ZBED4: variants seen among roughly 807,000 people sequenced by gnomAD.
ZBED4 encodes zinc finger BED-type containing 4.
In ZBED4, 4 loss-of-function variants were observed where a neutral mutation model predicts 15.5. That is an observed-to-expected ratio of 0.26 (90% CI 0.13 to 0.59). The LOEUF (loss-of-function observed/expected upper bound fraction) is 0.59, where lower values mean the gene tolerates loss of function less well. Ranked by LOEUF, ZBED4 falls within the 20% of genes least tolerant of loss-of-function variation. The probability of loss-of-function intolerance (pLI) is 0.90; values close to 1 mark genes in which losing one functional copy is unlikely to be tolerated. For missense variants in ZBED4, 1,323 were observed against 1,461.8 expected (o/e 0.91, Z 1.55); for synonymous variants, 692 against 608.5 (o/e 1.14, Z -2.02).
At chr22:49,860,255 C>T (rs551760192) in intron 1 of ZBED4, among the ~76,000 whole-genome samples, 6 of 152,286 alleles carry the variant, frequency 3.9e-5, no homozygotes, top group East Asian at 3.9e-4. Context: ...GCTGCAATGA[C>T]GTCACTGCAC....
Position 49,887,650 on chromosome 22 carries a change from G to A in ZBED4, c.*472G>A, listed in dbSNP as rs911909287. On this transcript the variant is annotated 3_prime_UTR_variant, in exon 2 of 2. Transcript: ENST00000216268. ...TCTGTAAATAGGAGGTGGAGGGCAA[G>A]CCATCCTGACTGAGCAGTTTTTAAC... is the stretch of plus-strand genomic sequence containing the variant. 5.9e-6 allele frequency: 1 copy of A among 170,892 alleles called. No homozygotes were observed. The highest frequency in any genetic ancestry group is 2.4e-5 in the African/African-American group (1 of 41,490). 10.6% of individuals were successfully genotyped at this position (170,892 alleles called of 1,614,324 possible). A position where few individuals can be genotyped will look rare whatever the true frequency, so the allele number is the denominator to read the frequency against.
chr22:49,853,091 G>A (rs1485253714), upstream of ZBED4: 5 of 152,332 alleles, frequency 3.3e-5, no homozygotes, highest in Non-Finnish European at 7.3e-5. Context: ...GCCGAAAGCC[G>A]TGTCACCAAC....
In ZBED4 at chr22:49,885,070, A is replaced by G. The variant is rs2060430313; in HGVS notation, c.1408A>G (p.Met470Val). 2 of 1,612,634 alleles carry G rather than the reference A, an allele frequency of 1.2e-6. No homozygotes were observed. The highest frequency in any genetic ancestry group is 1.7e-6 in the Non-Finnish European group (2 of 1,179,266). ...EVWHHFSLAP[M>V]DSLKAECRYC... ...CTGGCATCACTTCTCCCTGGCCCCC[A>G]TGGACAGCCTCAAGGCCGAGTGTCG... Residue 470 changes from methionine (M) to valine (V), a missense_variant, in exon 2 of 2, where the codon ATG becomes GTG. Transcript: ENST00000216268.
intron 1 of ZBED4, among the ~76,000 whole-genome samples, chr22:49,858,190 C>T (rs2060282444): frequency 6.6e-6 from 1 of 152,228 alleles, no homozygotes; most frequent in African/African-American, 2.4e-5. Context: ...GCGTGAGCCA[C>T]CGTGCCCGGC....
Position 49,883,988 on chromosome 22 carries a change from G to A in ZBED4, c.326G>A (p.Ser109Asn), listed in dbSNP as rs1325397309. The A allele has an allele frequency of 6.2e-7, 1 of 1,613,168 alleles. No homozygotes were observed. The change falls in exon 2 of 2, where the codon AGC becomes AAC. Residue 109 changes from serine to asparagine, a missense_variant. By Grantham distance (46) the Ser-to-Asn change is conservative. Coordinates refer to ENST00000216268, the MANE Select transcript of ZBED4 (RefSeq NM_014838.3). ...MEAVTQSLLS[S>N]RNMSSRKKSP... Reference sequence around the variant, plus strand: ...GCCGTGACCCAGAGCCTCCTTTCCAGCCGGAACATGAGCTCCAGGAAGAAG... The same window carrying A: ...GCCGTGACCCAGAGCCTCCTTTCCAACCGGAACATGAGCTCCAGGAAGAAG...
intron 1 of ZBED4, among the ~76,000 whole-genome samples, chr22:49,872,858 G>A (rs903290310): frequency 9.2e-5 from 14 of 152,076 alleles, no homozygotes; most frequent in African/African-American, 2.6e-4. Flanking sequence ...GGCACCTGCC[G>A]GCTAATTTTT....
intron 1 of ZBED4, among the ~76,000 whole-genome samples, chr22:49,856,236 G>A (rs1467897724): frequency 6.6e-6 from 1 of 152,244 alleles, no homozygotes; most frequent in Non-Finnish European, 1.5e-5. Flanking sequence ...GAGAGACAGA[G>A]GTGCTTGCCT....
intron 1 of ZBED4, among the ~76,000 whole-genome samples, chr22:49,871,765 T>TTATTTATTTATTTA (rs1205280233): frequency 6.8e-6 from 1 of 147,040 alleles, no homozygotes; most frequent in Non-Finnish European, 1.5e-5. Context: ...TTATTTTTTT[T>TTATTTATTTATTTA]TTTTTTTGAG....
At position 49,883,500 on chromosome 22, in the gene ZBED4, T is replaced by A. The variant is rs2060420039; in HGVS notation, c.-163T>A. 1 of 983,636 alleles carries A rather than the reference T, an allele frequency of 1.0e-6. No individual in the cohort carries two copies. The allele number at this position is 983,636 out of a possible 1,614,324, so 60.9% of individuals were successfully genotyped here. ...TGCTGTAAGACCATGAGTCACAGATTCTTTTTTTCAGTACTATTTATGATT... is the reference window on the plus strand; with the variant it reads ...TGCTGTAAGACCATGAGTCACAGATACTTTTTTTCAGTACTATTTATGATT... On this transcript the variant is annotated 5_prime_UTR_variant, in exon 2 of 2. Transcript: ENST00000216268.
At chr22:49,875,377 A>C (rs1318686816) in intron 1 of ZBED4, among the ~76,000 whole-genome samples, 5 of 151,180 alleles carry the variant, frequency 3.3e-5, no homozygotes, top group African/African-American at 1.2e-4. Flanking sequence ...TCTGTCTTTC[A>C]AGTAATTTGT....
At chr22:49,875,262 C>T (rs1372870669) in intron 1 of ZBED4, among the ~76,000 whole-genome samples, 1 of 151,158 alleles carries the variant, frequency 6.6e-6, no homozygotes, top group Non-Finnish European at 1.5e-5. Flanking sequence ...GAATTCACCA[C>T]TGAAGTCATC....
At chr22:49,882,569 G>A (rs552663741) in intron 1 of ZBED4, among the ~76,000 whole-genome samples, 60 of 152,252 alleles carry the variant, frequency 3.9e-4, no homozygotes, top group African/African-American at 1.3e-3. Flanking sequence ...ATCGTCCTCC[G>A]AGCTTCGGCT....
In ZBED4 at chr22:49,884,190, G is replaced by A. The variant is rs377741840; in HGVS notation, c.528G>A (p.Val176=). The A allele has an allele frequency of 6.2e-7, 1 of 1,609,088 alleles. No individual in the cohort carries two copies. Among genetic ancestry groups the A allele is most frequent in the Non-Finnish European group, 8.5e-7 (1 of 1,176,900 alleles). The change falls in exon 2 of 2, where the codon GTG becomes GTA. Residue 176 remains valine, a synonymous_variant. Coordinates refer to ENST00000216268, the MANE Select transcript of ZBED4 (RefSeq NM_014838.3). ...PTVLIQENGS[V]SAVSSFPSPS... ...TGCTCATTCAGGAAAATGGCAGTGT[G>A]TCTGCCGTGTCCTCGTTCCCCTCTC...
chr22:49,870,865 C>G (rs1442246371), intron 1 of ZBED4, among the ~76,000 whole-genome samples: 1 of 152,002 alleles, frequency 6.6e-6, no homozygotes, highest in Non-Finnish European at 1.5e-5. Flanking sequence ...CTGTTACAAT[C>G]CACTCAATTA....
chr22:49,885,005 A>G lies in ZBED4; in HGVS notation c.1343A>G (p.Gln448Arg), dbSNP rs2147549721. The change falls in exon 2 of 2, where the codon CAG (glutamine) becomes CGG (arginine). Residue 448 changes from glutamine (Q) to arginine (R), a missense_variant. By Grantham distance (43) the Gln-to-Arg change is conservative (BLOSUM62 1). This residue lies in a region of ZBED4 where 429 missense variants were observed against 397.9 expected (regional missense o/e 1.08). Coordinates refer to ENST00000216268, the MANE Select transcript of ZBED4 (RefSeq NM_014838.3). ...TTGTTTGAATCTGGCGCCATCTTCCAGCAGAATAAAAAGGTCATGAAAAGA... is the reference window on the plus strand; with the variant it reads ...TTGTTTGAATCTGGCGCCATCTTCCGGCAGAATAAAAAGGTCATGAAAAGA... ...PRLFESGAIF[Q>R]QNKKVMKRLK... The G allele has an allele frequency of 6.2e-7, 1 of 1,613,364 alleles. No homozygotes were observed. Among genetic ancestry groups the G allele is most frequent in the Middle Eastern group, 1.7e-4 (1 of 6,058 alleles).
In ZBED4 at chr22:49,886,171, A is replaced by G. The variant is rs1371379235; in HGVS notation, c.2509A>G (p.Ser837Gly). 1 of 701,822 alleles carries G rather than the reference A, an allele frequency of 1.4e-6. No individual in the cohort carries two copies. The allele number at this position is 701,822 out of a possible 1,614,324, so 43.5% of individuals were successfully genotyped here. A position where few individuals can be genotyped will look rare whatever the true frequency, so the allele number is the denominator to read the frequency against. Residue 837 changes from serine (S) to glycine (G), a missense_variant, in exon 2 of 2, where the codon AGC becomes GGC. Ser to Gly is a moderately conservative substitution (Grantham distance 56). Transcript: ENST00000216268. The surrounding 1 kb of genome is among the most constrained non-coding windows in gnomAD (Gnocchi z 7.7). ...CAGCCATACGGTGAACCTGATCGTC[A>G]GCGAGGCCATTAAGAGCCAGCGGAT... is the stretch of plus-strand genomic sequence containing the variant. ...CFSHTVNLIV[S>G]EAIKSQRMVQ...
rs530876377 is a variant in ZBED4, at chr22:49,886,236, G to A, written c.2574G>A (p.Glu858=). The stretch of plus-strand genomic sequence containing the variant: ...TGAGCCTCGCCCGGAAGATCTGCGA[G>A]CGGGTGCACCGGTCGCCCAAGGCGA... The part of the protein sequence containing the change: ...NLLSLARKIC[E]RVHRSPKAKE... Residue 858 remains glutamate, a synonymous_variant, in exon 2 of 2, where the codon GAG becomes GAA. Transcript: ENST00000216268. This position sits in a 1 kb window ranked among gnomAD's most constrained non-coding sequence, Gnocchi z 7.7. The A allele has an allele frequency of 3.2e-6, 3 of 949,768 alleles. No homozygotes were observed. The highest frequency in any genetic ancestry group is 2.9e-5 in the South Asian group (2 of 68,340). 58.8% of individuals were successfully genotyped at this position (949,768 alleles called of 1,614,324 possible).
intron 1 of ZBED4, among the ~76,000 whole-genome samples, chr22:49,880,992 T>A (rs913876305): frequency 9.9e-5 from 15 of 152,212 alleles, no homozygotes; most frequent in African/African-American, 3.4e-4. Context: ...ATTTTAAAAA[T>A]TTTATCTTAT....
intron 1 of ZBED4, among the ~76,000 whole-genome samples, chr22:49,875,944 C>CT (rs56100344): frequency 0.65 from 95,522 of 146,608 alleles, 34,856 homozygotes; most frequent in East Asian, 0.85. Context: ...GATTTTTTTT[C>CT]TTTTTTTTTT....
Sources: gnomAD v4.1 joint callset for allele counts (sites outside exome capture counted in the v4.1 genomes callset) on GRCh38, gnomAD v4.1.1 for gene constraint, gnomAD v4.1.1 regional missense constraint, Gnocchi (gnomAD v3.1) non-coding constraint, MANE v1.5 for transcripts, NCBI Gene and HGNC (gene_info 2026-07-23, HGNC 2026-07-21) for gene names.